The following GPC5 variants were observed in gnomAD, a reference collection of about 807,000 sequenced individuals.
The protein encoded by GPC5 is glypican-5.
Under a neutral mutation model 53.9 loss-of-function variants are expected in GPC5, and 47 were observed. That is an observed-to-expected ratio of 0.87 (90% confidence interval 0.69 to 1.11). The LOEUF is 1.11. GPC5 is among the 50% of genes most tolerant of loss of function. The pLI, the probability that GPC5 is intolerant of heterozygous loss-of-function variation, is 0.00. For missense variants in GPC5, 748 were observed against 713.1 expected, an observed-to-expected ratio of 1.05 and a Z score of -0.56; for synonymous variants, 286 against 263.3, an observed-to-expected ratio of 1.09 and a Z score of -0.84.
chr13:92,712,928 C>T (rs1026022209), intron 7 of GPC5, among the ~76,000 whole-genome samples: 3 of 151,206 alleles, frequency 2.0e-5, no homozygotes, highest in Non-Finnish European at 4.4e-5. Context: ...GGAGAAAGGC[C>T]CTCAAAGGAA....
intron 4 of GPC5, 55 bp from the exon 5 acceptor site, chr13:91,756,240 A>T: frequency 7.6e-7 from 1 of 1,322,476 alleles, no homozygotes. Flanking sequence ...ATCATTTTTG[A>T]TGGCCTTTAT....
At chr13:92,382,066 T>G (rs898598175) in intron 7 of GPC5, among the ~76,000 whole-genome samples, 2 of 151,366 alleles carry the variant, frequency 1.3e-5, no homozygotes, top group Non-Finnish European at 2.9e-5. Context: ...GCATGTGCAG[T>G]GACCTGGATG....
chr13:91,834,102 C>T (rs762673530), intron 5 of GPC5, among the ~76,000 whole-genome samples: 12 of 151,938 alleles, frequency 7.9e-5, no homozygotes, highest in Non-Finnish European at 1.8e-4. Flanking sequence ...CACCAAATAA[C>T]AAACACACAG....
intron 7 of GPC5, among the ~76,000 whole-genome samples, chr13:92,442,550 T>G (rs1013607584): frequency 2.0e-5 from 3 of 152,190 alleles, no homozygotes; most frequent in Non-Finnish European, 4.4e-5. Context: ...ATCAACTGTT[T>G]TCACTCATCA....
intron 7 of GPC5, among the ~76,000 whole-genome samples, chr13:92,268,503 C>A (rs1926612): frequency 0.35 from 52,431 of 151,636 alleles, 9,720 homozygotes; most frequent in African/African-American, 0.48. Context: ...AAAATAGTGA[C>A]ACTGTATTTC....
rs368568349 is a variant in GPC5 at position 92,752,996 on chromosome 13, G to A, written c.1562-113286G>A. ...ACTGGGTGGAGCCCACCACAGCTCA[G>A]GGAGGCCTGCCTGCCTCTGTAGGCT... On this transcript the variant is annotated intron_variant, in intron 7 of 7. Transcript: ENST00000377067. 1.1e-4 allele frequency among the ~76,000 whole-genome samples: 16 copies of A among 152,310 alleles called. No homozygotes were observed. In the East Asian group the frequency reaches 1.9e-3, roughly 19 times the overall value.
chr13:92,315,697 CTG>C (rs1470834875), intron 7 of GPC5, among the ~76,000 whole-genome samples: 5 of 152,092 alleles, frequency 3.3e-5, no homozygotes, highest in Non-Finnish European at 7.4e-5. Context: ...TCAAGACAAA[CTG>C]TGAAAAGAAT....
chr13:91,439,826 C>G (rs1880285905), intron 1 of GPC5, among the ~76,000 whole-genome samples: 1 of 152,164 alleles, frequency 6.6e-6, no homozygotes, highest in African/African-American at 2.4e-5. Context: ...ATTTGCAATA[C>G]AGAAACACCG....
At chr13:91,408,679 T>A (rs74106722) in intron 1 of GPC5, among the ~76,000 whole-genome samples, 2,273 of 152,322 alleles carry the variant, frequency 0.015, 63 homozygotes, top group African/African-American at 0.053. Flanking sequence ...TTTCAAATGT[T>A]GTTGTATTTA....
chr13:92,251,234 G>C (rs555851376), intron 7 of GPC5, among the ~76,000 whole-genome samples: 5 of 152,168 alleles, frequency 3.3e-5, no homozygotes, highest in African/African-American at 1.2e-4. Flanking sequence ...TATGGTATGT[G>C]GTGTATCAAA....
At chr13:91,819,678 C>T (rs769170915) in intron 5 of GPC5, among the ~76,000 whole-genome samples, 8 of 152,074 alleles carry the variant, frequency 5.3e-5, no homozygotes, top group Non-Finnish European at 1.0e-4. Context: ...AGTGTTTTCA[C>T]ATTGGGGCTA....
chr13:91,690,710 A>G (rs1184588547), intron 2 of GPC5, among the ~76,000 whole-genome samples: 1 of 152,212 alleles, frequency 6.6e-6, no homozygotes, highest in African/African-American at 2.4e-5. Flanking sequence ...TAAAAATTGC[A>G]TGTGTAAACA....
At chr13:92,645,419 T>C (rs1474550105) in intron 7 of GPC5, among the ~76,000 whole-genome samples, 1 of 152,226 alleles carries the variant, frequency 6.6e-6, no homozygotes, top group African/African-American at 2.4e-5. Flanking sequence ...TTTTGTGTTT[T>C]CTATAATTTA....
At chr13:91,948,892 G>GT (rs559949476) in intron 6 of GPC5, among the ~76,000 whole-genome samples, 1 of 152,104 alleles carries the variant, frequency 6.6e-6, no homozygotes, top group Non-Finnish European at 1.5e-5. Flanking sequence ...TCATGTTTTT[G>GT]TTTTTTCTTT....
At chr13:92,317,790 C>T (rs963600730) in intron 7 of GPC5, among the ~76,000 whole-genome samples, 1 of 152,102 alleles carries the variant, frequency 6.6e-6, no homozygotes, top group African/African-American at 2.4e-5. Flanking sequence ...CATGAGCCAC[C>T]GCACCCGGCC....
intron 7 of GPC5, among the ~76,000 whole-genome samples, chr13:92,360,641 G>T (rs2148525): frequency 0.3 from 45,600 of 151,064 alleles, 7,497 homozygotes; most frequent in South Asian, 0.41. Context: ...AATCAGGCAG[G>T]ATAAAGAAAA....
At position 92,393,787 on chromosome 13, in the gene GPC5, A is replaced by T. The variant is rs143902737; in HGVS notation, c.1561+248798A>T. Among the ~76,000 whole-genome samples, 270 of 152,318 alleles carry T rather than the reference A, an allele frequency of 1.8e-3. 7 individuals are homozygous for T. In the East Asian group the frequency reaches 0.045, roughly 26 times the overall value. ...CTGGACTTAACACCTGAGTGATGAA[A>T]TAATATGTACAGCAAACCCCCATGA... is the stretch of plus-strand genomic sequence containing the variant. On this transcript the variant is annotated intron_variant, in intron 7 of 7. Transcript: ENST00000377067.
intron 2 of GPC5, among the ~76,000 whole-genome samples, chr13:91,472,235 GT>G (rs1189244370): frequency 1.4e-4 from 21 of 152,108 alleles, no homozygotes; most frequent in Non-Finnish European, 1.5e-5. Flanking sequence ...TGTGATTTTT[GT>G]TTTTAGTTTT....
chr13:92,691,556 G>C (rs571318138), intron 7 of GPC5, among the ~76,000 whole-genome samples: 7 of 151,984 alleles, frequency 4.6e-5, no homozygotes, highest in Admixed American at 6.5e-5. Flanking sequence ...GCTGTAGACC[G>C]GAGCTGTTCC....
Sources: gnomAD v4.1 joint callset for allele counts (sites outside exome capture counted in the v4.1 genomes callset) on GRCh38, gnomAD v4.1.1 for gene constraint, MANE v1.5 for transcripts, NCBI Gene and HGNC (gene_info 2026-07-23, HGNC 2026-07-21) for gene names.